The following RBM38 variants were observed in gnomAD, a reference collection of about 807,000 sequenced individuals.
The protein encoded by RBM38 is RNA-binding protein 38.
RBM38 carries 11 observed loss-of-function variants against 23.5 expected under a neutral mutation model. That is an observed-to-expected ratio of 0.47 (90% CI 0.29 to 0.77). The LOEUF is 0.77. RBM38 is among the 30% of genes least tolerant of loss of function. The pLI, the probability that RBM38 is intolerant of heterozygous loss-of-function variation, is 0.08. For missense variants in RBM38, 330 were observed against 351.9 expected, an observed-to-expected ratio of 0.94 and a Z score of 0.50; for synonymous variants, 165 against 166.1, an observed-to-expected ratio of 0.99 and a Z score of 0.05.
At chr20:57,405,038 C>T (rs926157649) in intron 3 of RBM38, among the ~76,000 whole-genome samples, 5 of 152,222 alleles carry the variant, frequency 3.3e-5, no homozygotes, top group African/African-American at 1.2e-4. Context: ...CAGACTGGCG[C>T]CTGCCTCCGC....
chr20:57,392,492 G>A (rs1424129206), intron 1 of RBM38, 162 bp from the exon 2 acceptor site: 2 of 1,534,786 alleles, frequency 1.3e-6, no homozygotes. Context: ...GAGAGCCCCA[G>A]GTAGGGTTCA....
rs2067404687 is a variant in RBM38 at position 57,407,893 on chromosome 20, G to A, written c.*47G>A. ...CTGTGGCATTGTCACCTTCACAGCA[G>A]ACAGAGCTGCCAGGCCATGATGGGC... On this transcript the variant is annotated 3_prime_UTR_variant, in exon 4 of 4. Coordinates refer to ENST00000356208, the MANE Select transcript of RBM38 (RefSeq NM_017495.6). This position sits in a 1 kb window ranked among gnomAD's most constrained non-coding sequence, Gnocchi z 4.0. 3.3e-6 allele frequency: 5 copies of A among 1,508,844 alleles called. No homozygotes were observed. The highest frequency in any genetic ancestry group is 4.4e-6 in the Non-Finnish European group (5 of 1,129,876). The allele number at this position is 1,508,844 out of a possible 1,614,324, so 93.5% of individuals were successfully genotyped here.
rs749066932 is a variant in RBM38, at chr20:57,407,527, C to T, written c.417-16C>T. On this transcript the variant is annotated splice_polypyrimidine_tract_variant and intron_variant, in intron 3 of 3. Coordinates refer to ENST00000356208, the MANE Select transcript of RBM38 (RefSeq NM_017495.6). This position sits in a 1 kb window ranked among gnomAD's most constrained non-coding sequence, Gnocchi z 4.0. ...AACTCCGTTCTGGCCCTAACCTGCT[C>T]TGCTTGGCCCCACAGGCTGACCCCG... is the stretch of plus-strand genomic sequence containing the variant. The T allele has an allele frequency of 1.2e-6, 2 of 1,611,226 alleles. No individual in the cohort carries two copies. Among genetic ancestry groups the T allele is most frequent in the East Asian group, 2.2e-5 (1 of 44,804 alleles).
At chr20:57,403,020 C>G (rs1446808952) in intron 3 of RBM38, among the ~76,000 whole-genome samples, 1 of 152,222 alleles carries the variant, frequency 6.6e-6, no homozygotes, top group African/African-American at 2.4e-5. Context: ...TGTGGGGGCA[C>G]CCTGAGCATT....
intron 1 of RBM38, 142 bp downstream of exon 1, chr20:57,391,960 G>GC (rs1235219076): frequency 3.6e-6 from 1 of 280,356 alleles, no homozygotes; most frequent in Non-Finnish European, 5.3e-6. Flanking sequence ...CGCACCTGCC[G>GC]CCTCTCCCGG....
intron 3 of RBM38, among the ~76,000 whole-genome samples, chr20:57,397,270 T>A (rs2067283494): frequency 6.6e-6 from 1 of 152,228 alleles, no homozygotes; most frequent in African/African-American, 2.4e-5. Context: ...TGATTACCTG[T>A]GCAAAACCGA....
rs1177369419 is a variant in RBM38 at position 57,392,420 on chromosome 20, C to G, written c.238-234C>G. On this transcript the variant is annotated intron_variant, in intron 1 of 3. Transcript: ENST00000356208. ...AGGGGATTATTTTTGTCCTTGAAGG[C>G]CACATTTCCCAGGCCTTGAACTTTG... 24 of 1,527,300 alleles carry G rather than the reference C, an allele frequency of 1.6e-5. No homozygotes were observed. The Admixed American group carries it at 3.5e-4, about 23-fold the overall frequency. The allele number at this position is 1,527,300 out of a possible 1,614,324, so 94.6% of individuals were successfully genotyped here.
intron 1 of RBM38, chr20:57,392,144 G>A (rs539571942): frequency 1.2e-5 from 3 of 246,852 alleles, no homozygotes; most frequent in African/African-American, 2.3e-5. Flanking sequence ...GGAGCAGCGG[G>A]GGGTGAGGAG....
At chr20:57,405,787 T>G (rs1424132063) in intron 3 of RBM38, among the ~76,000 whole-genome samples, 1 of 151,668 alleles carries the variant, frequency 6.6e-6, no homozygotes, top group Non-Finnish European at 1.5e-5. Context: ...TCTCTGACCC[T>G]GAGGGTCCCT....
At chr20:57,400,814 G>A (rs2067319981) in intron 3 of RBM38, among the ~76,000 whole-genome samples, 1 of 152,194 alleles carries the variant, frequency 6.6e-6, no homozygotes, top group Admixed American at 6.5e-5. Flanking sequence ...CAGACGCCCG[G>A]TTGTTCTGAG....
rs1176207940 is a variant in RBM38, at chr20:57,400,265, G to A, written c.416+6932G>A. 2.6e-5 allele frequency among the ~76,000 whole-genome samples: 4 copies of A among 152,174 alleles called. No individual in the cohort carries two copies. In the South Asian group the frequency reaches 8.3e-4, roughly 31 times the overall value. ...GTCTCTGTGGACAGAGTCAGCTGGG[G>A]TGCTCTTGACTGTGTGCTGACCCTG... On this transcript the variant is annotated intron_variant, in intron 3 of 3. Transcript: ENST00000356208.
At chr20:57,398,633 C>T (rs941216594) in intron 3 of RBM38, among the ~76,000 whole-genome samples, 2 of 152,256 alleles carry the variant, frequency 1.3e-5, no homozygotes, top group Non-Finnish European at 2.9e-5. Context: ...GGCGGGCGCC[C>T]GTGCCGCACC....
rs747582637 is a variant in RBM38, at chr20:57,392,777, G to A, written c.361G>A (p.Gly121Ser). ...LGAKPRSLQT[G>S]FAIGVQQLHP... Reference sequence around the variant, plus strand: ...CGCCAAGCCGCGGAGCCTCCAGACGGGTGAGAGCTTGTGTTTTCCTGCCTG... The same window carrying A: ...CGCCAAGCCGCGGAGCCTCCAGACGAGTGAGAGCTTGTGTTTTCCTGCCTG... Residue 121 changes from glycine to serine, a missense_variant and splice_region_variant, in exon 2 of 4, where the codon GGC (glycine) becomes AGC (serine). Transcript: ENST00000356208. The A allele has an allele frequency of 3.1e-6, 5 of 1,611,998 alleles. No homozygotes were observed. The highest frequency in any genetic ancestry group is 4.2e-6 in the Non-Finnish European group (5 of 1,179,522).
chr20:57,400,495 T>C (rs968673600), intron 3 of RBM38, among the ~76,000 whole-genome samples: 1 of 151,962 alleles, frequency 6.6e-6, no homozygotes, highest in African/African-American at 2.4e-5. Context: ...GGCTCCGTGA[T>C]TTGGGGGTTT....
intron 3 of RBM38, among the ~76,000 whole-genome samples, chr20:57,397,837 T>C (rs1157517685): frequency 6.6e-6 from 1 of 152,246 alleles, no homozygotes; most frequent in Non-Finnish European, 1.5e-5. Context: ...ATTCTGTTTG[T>C]GCACTCGTGG....
chr20:57,392,377 T>G, intron 1 of RBM38: 2 of 1,481,908 alleles, frequency 1.3e-6, no homozygotes, highest in Non-Finnish European at 1.8e-6. Context: ...TCGGGGTTCA[T>G]TTTTGCCCTA....
chr20:57,393,490 C>T (rs2067242316), intron 3 of RBM38, among the ~76,000 whole-genome samples, 157 bp downstream of exon 3: 1 of 152,196 alleles, frequency 6.6e-6, no homozygotes, highest in African/African-American at 2.4e-5. Context: ...TTGCACTTCT[C>T]CATCCCTGGC....
chr20:57,398,068 T>C (rs2067292457), intron 3 of RBM38, among the ~76,000 whole-genome samples: 1 of 152,224 alleles, frequency 6.6e-6, no homozygotes, highest in Non-Finnish European at 1.5e-5. Flanking sequence ...GTCATAGCAG[T>C]GTGCCTGGGT....
At chr20:57,402,188 G>A (rs1053304534) in intron 3 of RBM38, among the ~76,000 whole-genome samples, 4 of 151,988 alleles carry the variant, frequency 2.6e-5, no homozygotes, top group Non-Finnish European at 5.9e-5. Context: ...CTCATGATCC[G>A]CCCGCCTCGG....
Sources: gnomAD v4.1 joint callset for allele counts (sites outside exome capture counted in the v4.1 genomes callset) on GRCh38, gnomAD v4.1.1 for gene constraint, Gnocchi (gnomAD v3.1) non-coding constraint, MANE v1.5 for transcripts, NCBI Gene and HGNC (gene_info 2026-07-23, HGNC 2026-07-21) for gene names.